The following CFAP251 variants were observed in gnomAD, a reference collection of about 807,000 sequenced individuals.
CFAP251 encodes cilia- and flagella-associated protein 251.
In CFAP251, 93 loss-of-function variants were observed where a neutral mutation model predicts 126.7. The ratio of observed to expected loss-of-function variants is 0.73; its 90% CI spans 0.62 to 0.87. The LOEUF (loss-of-function observed/expected upper bound fraction) is 0.87. CFAP251 is among the 40% of genes least tolerant of loss of function. The pLI is 0.00. For synonymous variants in CFAP251, 503 were observed against 506.9 expected, an observed-to-expected ratio of 0.99 and a Z score of 0.10; for missense variants, 1,287 against 1,389.2, an observed-to-expected ratio of 0.93 and a Z score of 1.17.
At chr12:121,972,758 G>T (rs1377927824) in intron 17 of CFAP251, among the ~76,000 whole-genome samples, 3 of 152,186 alleles carry the variant, frequency 2.0e-5, no homozygotes, top group Non-Finnish European at 4.4e-5. Flanking sequence ...AAAGTGCTGG[G>T]ATTACAGGCA....
chr12:121,946,416 T>C (rs1881328788), intron 7 of CFAP251, among the ~76,000 whole-genome samples: 1 of 152,174 alleles, frequency 6.6e-6, no homozygotes. Context: ...TCTAGAGTGG[T>C]AGTATTTTCT....
chr12:121,965,329 C>T (rs189394977), intron 15 of CFAP251, among the ~76,000 whole-genome samples: 12 of 152,146 alleles, frequency 7.9e-5, no homozygotes, highest in Admixed American at 6.5e-4. Context: ...CACTCTCATC[C>T]GCTTCTGGGG....
At chr12:121,996,659 A>AT (rs911100770) in intron 19 of CFAP251, among the ~76,000 whole-genome samples, 2 of 152,132 alleles carry the variant, frequency 1.3e-5, no homozygotes, top group African/African-American at 4.8e-5. Flanking sequence ...GAAGGGGAAA[A>AT]TTTTTTAAAT....
intron 5 of CFAP251, among the ~76,000 whole-genome samples, chr12:121,941,750 G>A (rs906699038): frequency 6.6e-6 from 1 of 152,154 alleles, no homozygotes; most frequent in African/African-American, 2.4e-5. Flanking sequence ...TGATGACTGT[G>A]AATTTTCATT....
intron 19 of CFAP251, chr12:121,992,074 C>T (rs1882888422): frequency 5.9e-6 from 2 of 340,560 alleles, no homozygotes; most frequent in Non-Finnish European, 8.3e-6. Flanking sequence ...AATAAAGCCC[C>T]GCCTTAGCAG....
At chr12:121,933,140 A>G (rs1880757150) in intron 4 of CFAP251, 2 of 152,416 alleles carry the variant, frequency 1.3e-5, no homozygotes, top group Middle Eastern at 3.4e-3. Flanking sequence ...AAGTGAACAC[A>G]TAAATGATTA....
chr12:121,971,989 C>T lies in CFAP251; in HGVS notation c.2772-3255C>T, dbSNP rs752756786. 3.3e-4 allele frequency: 80 copies of T among 242,704 alleles called. 1 individual carries two copies. Among genetic ancestry groups the T allele is most frequent in the African/African-American group, 7.9e-4 (35 of 44,136 alleles). The allele number at this position is 242,704 out of a possible 1,614,324, so 15.0% of individuals were successfully genotyped here. ...TCTCTCTTGCCACTGCCATGTGAGA[C>T]GTGCCTTTCACCTTCCGCCATGATT... is the stretch of plus-strand genomic sequence containing the variant. On this transcript the variant is annotated intron_variant, in intron 17 of 21. Transcript: ENST00000288912.
At chr12:121,961,928 C>T (rs374933213) in intron 14 of CFAP251, 50 bp from the exon 15 acceptor site, 5 of 1,571,176 alleles carry the variant, frequency 3.2e-6, no homozygotes, top group African/African-American at 1.4e-5. Flanking sequence ...CTTAGCTGAG[C>T]CTTTAATTTG....
intron 15 of CFAP251, among the ~76,000 whole-genome samples, chr12:121,964,906 A>T (rs922165383): frequency 5.9e-5 from 9 of 152,132 alleles, no homozygotes; most frequent in African/African-American, 1.7e-4. Flanking sequence ...CTGTCTTAAA[A>T]AAAATAAAAT....
intron 19 of CFAP251, among the ~76,000 whole-genome samples, chr12:121,996,325 C>T (rs1883020881): frequency 6.6e-6 from 1 of 152,194 alleles, no homozygotes; most frequent in African/African-American, 2.4e-5. Context: ...TATTGGGAAA[C>T]ATCCTAGGTT....
chr12:121,973,793 A>G (rs373624738), intron 17 of CFAP251, among the ~76,000 whole-genome samples: 225 of 152,242 alleles, frequency 1.5e-3, no homozygotes, highest in African/African-American at 5.2e-3. Context: ...TATTTACCCA[A>G]TTTTGGTACC....
intron 3 of CFAP251, 85 bp downstream of exon 3, chr12:121,924,075 A>G: frequency 7.0e-7 from 1 of 1,424,158 alleles, no homozygotes. Context: ...GGGGAAAAAG[A>G]ATACCACCAG....
intron 15 of CFAP251, among the ~76,000 whole-genome samples, chr12:121,966,141 TCCCTTCCCTCCCCTC>T (rs1882112636): frequency 1.4e-5 from 1 of 70,490 alleles, no homozygotes; most frequent in African/African-American, 4.5e-5. Flanking sequence ...TAAAAACTCT[TCCCTTCCCTCCCCTC>T]CCCTCCCCTC....
At chr12:121,983,420 A>G (rs1882673390) in intron 19 of CFAP251, among the ~76,000 whole-genome samples, 1 of 151,752 alleles carries the variant, frequency 6.6e-6, no homozygotes, top group African/African-American at 2.4e-5. Context: ...AAAGGTAAGG[A>G]AGTGTCTAAT....
At position 121,975,544 on chromosome 12, in the gene CFAP251, G is replaced by A. The variant is rs776938601; in HGVS notation, c.2865G>A (p.Glu955=). 8.1e-6 allele frequency: 13 copies of A among 1,608,982 alleles called. No homozygotes were observed. Among genetic ancestry groups the A allele is most frequent in the African/African-American group, 1.3e-5 (1 of 74,602 alleles). The change falls in exon 19 of 22, where the codon GAG becomes GAA. Residue 955 remains glutamate (E), a splice_region_variant and synonymous_variant. Transcript: ENST00000288912. ...SGGREGKFYR[E]LEDYFYYSQL... ...GTTTCCGTTGTATTCCTACATAGGA[G>A]CTAGAAGACTACTTCTACTATTCTC... is the stretch of plus-strand genomic sequence containing the variant.
chr12:121,978,527 C>T (rs556917941), intron 19 of CFAP251, among the ~76,000 whole-genome samples: 3 of 150,390 alleles, frequency 2.0e-5, no homozygotes, highest in African/African-American at 7.4e-5. Flanking sequence ...CAGAGATCAT[C>T]ACTGTTATTA....
rs747574114 is a variant in CFAP251, at chr12:121,958,262, T to C, written c.1731-10T>C. On this transcript the variant is annotated splice_polypyrimidine_tract_variant and intron_variant, in intron 11 of 21. Transcript: ENST00000288912. ...ACACTGATATTGTTTGGTCTCTCCTTGGCAAACAGGAATTTTATCATTGGA... is the reference window on the plus strand; with the variant it reads ...ACACTGATATTGTTTGGTCTCTCCTCGGCAAACAGGAATTTTATCATTGGA... The C allele has an allele frequency of 3.1e-6, 5 of 1,613,920 alleles. No individual in the cohort carries two copies. The East Asian group carries it at 6.7e-5, about 22-fold the overall frequency.
rs1468180915 is a variant in CFAP251 at position 121,921,543 on chromosome 12, A to G, written c.238A>G (p.Lys80Glu). 6.2e-7 allele frequency: 1 copy of G among 1,613,640 alleles called. No individual in the cohort carries two copies. The highest frequency in any genetic ancestry group is 8.5e-7 in the Non-Finnish European group (1 of 1,179,914). The change falls in exon 2 of 22, where the codon AAG (lysine) becomes GAG (glutamate). Residue 80 changes from lysine to glutamate, a missense_variant. Physicochemically the swap from Lys to Glu is moderately conservative, Grantham distance 56. Transcript: ENST00000288912. ...KKIVMEETEE[K>E]AGEVQEKEAS... The stretch of plus-strand genomic sequence containing the variant: ...GATTGTCATGGAAGAAACTGAGGAA[A>G]AGGCTGGAGAAGTCCAAGAGAAGGA...
chr12:121,969,667 T>G, intron 17 of CFAP251: 5 of 873,282 alleles, frequency 5.7e-6, no homozygotes, highest in Non-Finnish European at 6.9e-6. Flanking sequence ...AAAAAAATTT[T>G]TTTTGTCGAT....
Sources: gnomAD v4.1 joint callset for allele counts (sites outside exome capture counted in the v4.1 genomes callset) on GRCh38, gnomAD v4.1.1 for gene constraint, MANE v1.5 for transcripts, NCBI Gene and HGNC (gene_info 2026-07-23, HGNC 2026-07-21) for gene names.